The following HUNK variants were observed in gnomAD, a reference collection of about 807,000 sequenced individuals.
HUNK encodes the protein hormonally up-regulated Neu-associated kinase.
HUNK carries 21 observed loss-of-function variants against 61.0 expected under a neutral mutation model. That is an observed-to-expected ratio of 0.34 (90% CI 0.24 to 0.50). HUNK has a LOEUF of 0.50. Among genes scored for constraint, HUNK ranks in the 20% least tolerant of loss-of-function variants. The pLI is 0.98. For synonymous variants in HUNK, 371 were observed against 386.1 expected (o/e 0.96, Z 0.46); for missense variants, 772 against 945.7 (o/e 0.82, Z 2.41).
chr21:31,997,084 C>A (rs966464948), intron 10 of HUNK, among the ~76,000 whole-genome samples: 1 of 152,244 alleles, frequency 6.6e-6, no homozygotes, highest in African/African-American at 2.4e-5. Context: ...TCAGCCACTC[C>A]CAAAATCGAT....
rs141943817 is a variant in HUNK at position 31,884,777 on chromosome 21, CT to C, written c.261+10852del. Among the ~76,000 whole-genome samples the C allele has an allele frequency of 4.7e-5, 7 of 148,528 alleles. 1 individual carries two copies. Among genetic ancestry groups the C allele is most frequent in the East Asian group, 2.0e-4 (1 of 5,052 alleles). On this transcript the variant is annotated intron_variant, in intron 1 of 10. Coordinates refer to ENST00000270112, the MANE Select transcript of HUNK (RefSeq NM_014586.2). Reference sequence around the variant, plus strand: ...GAACTGTGAGAAAGACACGTCTCTTCTTTTTTTTTTCTTTTTTTTGATGGAG... The same window carrying C: ...GAACTGTGAGAAAGACACGTCTCTTCTTTTTTTTTCTTTTTTTTGATGGAG...
chr21:31,908,314 C>T (rs1389747361), intron 1 of HUNK, among the ~76,000 whole-genome samples: 3 of 151,910 alleles, frequency 2.0e-5, no homozygotes, highest in Non-Finnish European at 2.9e-5. Context: ...TTTATTTAGA[C>T]GATGACCGTA....
intron 5 of HUNK, among the ~76,000 whole-genome samples, chr21:31,962,949 A>T (rs1233383385): frequency 1.3e-5 from 2 of 152,186 alleles, no homozygotes; most frequent in African/African-American, 4.8e-5. Context: ...TAGGGCCCAG[A>T]GCAGTGCACC....
At chr21:31,937,536 AATATCCAG>A (rs1433998395) in intron 2 of HUNK, among the ~76,000 whole-genome samples, 9 of 152,334 alleles carry the variant, frequency 5.9e-5, no homozygotes, top group African/African-American at 2.2e-4. Flanking sequence ...CTTTATCTCA[AATATCCAG>A]TCACCTGAAA....
chr21:31,955,165 C>T (rs2052879865), intron 4 of HUNK, among the ~76,000 whole-genome samples: 2 of 152,090 alleles, frequency 1.3e-5, no homozygotes, highest in South Asian at 4.1e-4. Flanking sequence ...TTCCAGTCAC[C>T]AGGAGACTTT....
intron 1 of HUNK, among the ~76,000 whole-genome samples, chr21:31,910,920 G>A (rs910007581): frequency 5.3e-5 from 8 of 152,238 alleles, no homozygotes; most frequent in African/African-American, 7.2e-5. Flanking sequence ...CTTCATTCAC[G>A]TGGATTCAAC....
chr21:31,894,400 A>C (rs186502733), intron 1 of HUNK, among the ~76,000 whole-genome samples: 14 of 152,322 alleles, frequency 9.2e-5, no homozygotes, highest in Admixed American at 7.8e-4. Context: ...TGCCAGGTGT[A>C]CTGTGATGTC....
chr21:31,888,428 G>A (rs1203515225), intron 1 of HUNK, among the ~76,000 whole-genome samples: 1 of 151,068 alleles, frequency 6.6e-6, no homozygotes, highest in African/African-American at 2.4e-5. Flanking sequence ...GAGATGAGGA[G>A]CTTGAGCTAT....
Position 31,874,112 on chromosome 21 carries a change from G to GA in HUNK, c.261+179dup, listed in dbSNP as rs2123782734. The stretch of plus-strand genomic sequence containing the variant: ...CGCTCAGCATCTCGCAGCCTTTCCC[G>GA]AAGGCGGCCTGCGGTCCGCTGCCCG... On this transcript the variant is annotated intron_variant, in intron 1 of 10. Transcript: ENST00000270112. 0.015 allele frequency among the ~76,000 whole-genome samples: 3 copies of GA among 206 alleles called. No individual in the cohort carries two copies. The South Asian group carries it at 0.19, about 13-fold the overall frequency. The allele number at this position is 206 out of a possible 152,430, so 0.1% of individuals were successfully genotyped here. A position where few individuals can be genotyped will look rare whatever the true frequency, so the allele number is the denominator to read the frequency against.
chr21:32,001,332 A>G lies in HUNK; in HGVS notation c.*2148A>G, dbSNP rs926459988. Reference sequence around the variant, plus strand: ...GAGAAGAAAATAATCATCTAAGACCATCTCTCCATTCGACATGAAGTGTAC... The same window carrying G: ...GAGAAGAAAATAATCATCTAAGACCGTCTCTCCATTCGACATGAAGTGTAC... On this transcript the variant is annotated 3_prime_UTR_variant, in exon 11 of 11. Transcript: ENST00000270112. 1.3e-5 allele frequency: 2 copies of G among 152,038 alleles called. No individual in the cohort carries two copies. The highest frequency in any genetic ancestry group is 4.8e-5 in the African/African-American group (2 of 41,400). The allele number at this position is 152,038 out of a possible 1,614,324, so 9.4% of individuals were successfully genotyped here. A position where few individuals can be genotyped will look rare whatever the true frequency, so the allele number is the denominator to read the frequency against.
At position 31,990,592 on chromosome 21, in the gene HUNK, A is replaced by G. The variant is rs183328061; in HGVS notation, c.1305+416A>G. On this transcript the variant is annotated intron_variant, in intron 9 of 10. Coordinates refer to ENST00000270112, the MANE Select transcript of HUNK (RefSeq NM_014586.2). ...GCTCTGTCGCCCAGGCTGGAGTGCA[A>G]TGTTGTGATCTTGGCTCACTGCAAC... 2.6e-4 allele frequency among the ~76,000 whole-genome samples: 39 copies of G among 150,666 alleles called. No individual in the cohort carries two copies. In the East Asian group the frequency reaches 4.3e-3, roughly 17 times the overall value.
chr21:31,946,214 C>G, intron 4 of HUNK, 43 bp downstream of exon 4: 1 of 1,582,714 alleles, frequency 6.3e-7, no homozygotes, highest in Non-Finnish European at 8.6e-7. Flanking sequence ...CTCCTGCTGT[C>G]TCCACCGTGC....
chr21:31,884,610 A>G (rs892866055), intron 1 of HUNK, among the ~76,000 whole-genome samples: 16 of 151,878 alleles, frequency 1.1e-4, no homozygotes, highest in African/African-American at 3.4e-4. Flanking sequence ...AAATAAATAA[A>G]TAAAGGGTGC....
intron 2 of HUNK, among the ~76,000 whole-genome samples, chr21:31,934,497 C>A (rs2052719495): frequency 6.6e-6 from 1 of 151,224 alleles, no homozygotes; most frequent in Non-Finnish European, 1.5e-5. Context: ...AAGAAATTCA[C>A]CCCTTTTAAA....
chr21:31,979,414 G>A (rs1344188605), intron 7 of HUNK, among the ~76,000 whole-genome samples: 1 of 142,744 alleles, frequency 7.0e-6, no homozygotes, highest in African/African-American at 2.6e-5. Flanking sequence ...ACCGCGCCCG[G>A]CCCCTATTGG....
chr21:31,909,130 A>G (rs536893341), intron 1 of HUNK, among the ~76,000 whole-genome samples: 1 of 152,340 alleles, frequency 6.6e-6, no homozygotes, highest in East Asian at 1.9e-4. Flanking sequence ...TGGATAATAA[A>G]TGCATCTTGG....
intron 4 of HUNK, among the ~76,000 whole-genome samples, chr21:31,955,044 C>T (rs1377726513): frequency 6.6e-6 from 1 of 152,118 alleles, no homozygotes; most frequent in Admixed American, 6.5e-5. Flanking sequence ...GCCTCAGCCT[C>T]CCAAATTGCT....
At chr21:31,941,842 G>A (rs1008102613) in intron 3 of HUNK, among the ~76,000 whole-genome samples, 2 of 152,144 alleles carry the variant, frequency 1.3e-5, no homozygotes, top group African/African-American at 4.8e-5. Context: ...ATGTGGAGGT[G>A]ACAGTGATAG....
chr21:31,943,274 G>A (rs2052781162), intron 3 of HUNK, among the ~76,000 whole-genome samples: 1 of 152,048 alleles, frequency 6.6e-6, no homozygotes, highest in Non-Finnish European at 1.5e-5. Flanking sequence ...TCTGATGTCT[G>A]GTAAGTTTAA....
Sources: allele counts gnomAD v4.1 joint callset (sites outside exome capture counted in the v4.1 genomes callset), GRCh38; gene constraint gnomAD v4.1.1; transcripts MANE v1.5; gene names NCBI Gene and HGNC (gene_info 2026-07-23, HGNC 2026-07-21).